ARL15: variants seen among roughly 807,000 people sequenced by gnomAD.
The protein encoded by ARL15 is ADP-ribosylation factor-like protein 15.
Under a neutral mutation model 25.2 loss-of-function variants are expected in ARL15, and 19 were observed. The observed-to-expected ratio is 0.75, with a 90% CI of 0.53 to 1.10. ARL15 has a LOEUF of 1.10. ARL15 is among the 50% of genes least tolerant of loss of function. The pLI, the probability that ARL15 is intolerant of heterozygous loss-of-function variation, is 0.00. For synonymous variants in ARL15, 94 were observed against 86.8 expected, an observed-to-expected ratio of 1.08 and a Z score of -0.46; for missense variants, 220 against 246.0, an observed-to-expected ratio of 0.89 and a Z score of 0.71.
intron 4 of ARL15, among the ~76,000 whole-genome samples, chr5:53,950,550 G>GTAAT (rs750699657): frequency 1.2e-4 from 19 of 152,084 alleles, no homozygotes; most frequent in Non-Finnish European, 2.5e-4. Context: ...CCATTTGAGG[G>GTAAT]TAATCGTGAA....
intron 4 of ARL15, among the ~76,000 whole-genome samples, chr5:54,044,762 T>C (rs1750455106): frequency 6.6e-6 from 1 of 152,246 alleles, no homozygotes; most frequent in Non-Finnish European, 1.5e-5. Context: ...TGCAAAATTG[T>C]GACCATTACA....
chr5:54,205,217 T>C (rs1299444099), intron 1 of ARL15, among the ~76,000 whole-genome samples: 2 of 152,138 alleles, frequency 1.3e-5, no homozygotes, highest in Non-Finnish European at 2.9e-5. Context: ...GGGAGGATTA[T>C]TGTTTTTAAT....
intron 1 of ARL15, among the ~76,000 whole-genome samples, chr5:54,244,931 A>T (rs143537182): frequency 6.6e-6 from 1 of 152,146 alleles, no homozygotes; most frequent in Non-Finnish European, 1.5e-5. Context: ...TATCAATATT[A>T]ATTTTCAATG....
chr5:54,064,985 A>G (rs1751175066), intron 4 of ARL15, among the ~76,000 whole-genome samples: 1 of 152,142 alleles, frequency 6.6e-6, no homozygotes, highest in African/African-American at 2.4e-5. Flanking sequence ...CCCAGGGTCA[A>G]CTCTACTCCA....
chr5:54,114,350 G>C (rs1425104493), intron 3 of ARL15, among the ~76,000 whole-genome samples: 2 of 124,814 alleles, frequency 1.6e-5, no homozygotes. Context: ...GTTGCAGTGA[G>C]CCAAGATCGC....
intron 3 of ARL15, among the ~76,000 whole-genome samples, chr5:54,128,623 T>C (rs1753333654): frequency 6.6e-6 from 1 of 152,100 alleles, no homozygotes; most frequent in Non-Finnish European, 1.5e-5. Flanking sequence ...ACTGAGTTGA[T>C]AATACATTTA....
intron 1 of ARL15, among the ~76,000 whole-genome samples, chr5:54,248,307 C>T (rs983073990): frequency 1.3e-5 from 2 of 152,202 alleles, no homozygotes. Flanking sequence ...CATCTCTCTT[C>T]ACCATCCTAT....
chr5:54,249,376 T>C (rs920510149), intron 1 of ARL15, among the ~76,000 whole-genome samples: 1 of 151,860 alleles, frequency 6.6e-6, no homozygotes, highest in African/African-American at 2.4e-5. Flanking sequence ...GGCAGGGAAA[T>C]AGAGCAGAGA....
chr5:54,199,550 C>T (rs1755652696), intron 1 of ARL15, among the ~76,000 whole-genome samples: 5 of 151,640 alleles, frequency 3.3e-5, no homozygotes, highest in South Asian at 4.2e-4. Flanking sequence ...AAAATGCTCA[C>T]CATCACTGGC....
intron 1 of ARL15, among the ~76,000 whole-genome samples, chr5:54,270,277 T>C (rs1757747981): frequency 6.6e-6 from 1 of 151,606 alleles, no homozygotes; most frequent in Non-Finnish European, 1.5e-5. Flanking sequence ...ATTTTGAGTT[T>C]TTCCTTTGGC....
At chr5:54,013,629 TATAA>T (rs1749313542) in intron 4 of ARL15, among the ~76,000 whole-genome samples, 2 of 152,210 alleles carry the variant, frequency 1.3e-5, no homozygotes, top group Admixed American at 6.5e-5. Flanking sequence ...CACTTGCTAC[TATAA>T]ATAACATCAC....
chr5:54,113,758 ACT>A (rs548818050), intron 3 of ARL15, among the ~76,000 whole-genome samples: 156 of 152,268 alleles, frequency 1.0e-3, no homozygotes, highest in South Asian at 5.6e-3. Context: ...TGAACTACAC[ACT>A]CTCTAAAAAT....
chr5:54,103,643 A>C (rs1449244389), intron 4 of ARL15, among the ~76,000 whole-genome samples: 1 of 152,158 alleles, frequency 6.6e-6, no homozygotes, highest in Non-Finnish European at 1.5e-5. Flanking sequence ...TCTAAGTTGC[A>C]TTCAGTCTAT....
chr5:54,039,009 T>C (rs1320776479), intron 4 of ARL15, among the ~76,000 whole-genome samples: 1 of 152,196 alleles, frequency 6.6e-6, no homozygotes, highest in Non-Finnish European at 1.5e-5. Context: ...TTCTTAGTGA[T>C]CAAAATGAAG....
At chr5:53,919,067 G>A (rs765141329) in intron 4 of ARL15, among the ~76,000 whole-genome samples, 1 of 152,246 alleles carries the variant, frequency 6.6e-6, no homozygotes, top group South Asian at 2.1e-4. Context: ...CTGGGCAACT[G>A]TACAGGACAT....
intron 4 of ARL15, among the ~76,000 whole-genome samples, chr5:54,019,317 T>C (rs1390974503): frequency 1.3e-5 from 2 of 152,188 alleles, no homozygotes; most frequent in Non-Finnish European, 2.9e-5. Flanking sequence ...AGGTTTCCAT[T>C]TGCTTTGAGA....
chr5:54,059,814 G>A (rs1256364791), intron 4 of ARL15, among the ~76,000 whole-genome samples: 2 of 152,156 alleles, frequency 1.3e-5, no homozygotes, highest in African/African-American at 2.4e-5. Flanking sequence ...TCCATAATGT[G>A]TATAAAAAAC....
intron 4 of ARL15, among the ~76,000 whole-genome samples, chr5:53,932,688 C>T (rs879307431): frequency 4.6e-5 from 7 of 152,070 alleles, no homozygotes; most frequent in Non-Finnish European, 8.8e-5. Flanking sequence ...TTTATCATTC[C>T]GTGCTATATT....
chr5:54,030,333 G>T (rs1218809367), intron 4 of ARL15, among the ~76,000 whole-genome samples: 1 of 152,062 alleles, frequency 6.6e-6, no homozygotes, highest in African/African-American at 2.4e-5. Context: ...AAAAGGTTGT[G>T]GACTGCTCCA....
Sources: gnomAD v4.1 joint callset for allele counts (sites outside exome capture counted in the v4.1 genomes callset) on GRCh38, gnomAD v4.1.1 for gene constraint, MANE v1.5 for transcripts, NCBI Gene and HGNC (gene_info 2026-07-23, HGNC 2026-07-21) for gene names.